The following CDCA7 variants were observed in gnomAD, a reference collection of about 807,000 sequenced individuals.
CDCA7 encodes the protein cell division cycle-associated protein 7.
In CDCA7, 28 loss-of-function variants were observed where a neutral mutation model predicts 54.0. The observed-to-expected ratio is 0.52, with a 90% CI of 0.38 to 0.71. The LOEUF (loss-of-function observed/expected upper bound fraction) is 0.71. Ranked by LOEUF, CDCA7 falls within the 30% of genes least tolerant of loss-of-function variation. The pLI is 0.00. For missense variants in CDCA7, 484 were observed against 586.0 expected (o/e 0.83, Z 1.80); for synonymous variants, 180 against 208.2 (o/e 0.86, Z 1.16).
chr2:173,357,831 G>A (rs1054882295), intron 1 of CDCA7, among the ~76,000 whole-genome samples: 16 of 152,270 alleles, frequency 1.1e-4, no homozygotes, highest in African/African-American at 3.1e-4. Context: ...TGGGTTGAGA[G>A]GTAGCTCTAC....
chr2:173,365,687 C>A, intron 7 of CDCA7, 95 bp downstream of exon 7: 2 of 1,358,020 alleles, frequency 1.5e-6, no homozygotes, highest in Non-Finnish European at 2.0e-6. Context: ...AAGGGCCTAG[C>A]ATGTGAAATC....
rs746889902 is a variant in CDCA7 at position 173,354,917 on chromosome 2, C to T, written c.-47C>T. 37 of 1,475,240 alleles carry T rather than the reference C, an allele frequency of 2.5e-5. No homozygotes were observed. The African/African-American group carries it at 4.6e-4, about 18-fold the overall frequency. 91.4% of individuals were successfully genotyped at this position (1,475,240 alleles called of 1,614,324 possible). A position where few individuals can be genotyped will look rare whatever the true frequency, so the allele number is the denominator to read the frequency against. ...TGTGGGACCGCTGACCGCGCGGCTG[C>T]TCCGCTCTCCCCGCTCCAAGCGCCG... is the stretch of plus-strand genomic sequence containing the variant. On this transcript the variant is annotated 5_prime_UTR_variant, in exon 1 of 10. Coordinates refer to ENST00000306721, the MANE Select transcript of CDCA7 (RefSeq NM_031942.5).
intron 1 of CDCA7, among the ~76,000 whole-genome samples, chr2:173,355,978 G>A (rs1686497297): frequency 6.6e-6 from 1 of 152,132 alleles, no homozygotes; most frequent in African/African-American, 2.4e-5. Flanking sequence ...ACATGCCTGA[G>A]TTCAAATCTG....
chr2:173,365,575 A>T lies in CDCA7; in HGVS notation c.1018A>T (p.Ile340Leu). 2 of 1,614,096 alleles carry T rather than the reference A, an allele frequency of 1.2e-6. No homozygotes were observed. The highest frequency in any genetic ancestry group is 1.7e-6 in the Non-Finnish European group (2 of 1,180,020). The change falls in exon 7 of 10, where the codon ATA (isoleucine) becomes TTA (leucine). Residue 340 changes from isoleucine to leucine, a missense_variant. Physicochemically the swap from Ile to Leu is conservative, Grantham distance 5 (BLOSUM62 2). This residue lies in a region of CDCA7 where 398 missense variants were observed against 447.4 expected (regional missense o/e 0.89). Coordinates refer to ENST00000306721, the MANE Select transcript of CDCA7 (RefSeq NM_031942.5). ...ENVCSNSREK[I>L]YNRSLGSTCH... ...CGTCTGCAGCAATTCTCGAGAGAAG[A>T]TATATAACCGTTCACTGGTGAGAGC...
Position 173,358,750 on chromosome 2 carries a change from C to A in CDCA7, c.60C>A (p.Phe20Leu). The change falls in exon 2 of 10, where the codon TTC (phenylalanine) becomes TTA (leucine). Residue 20 changes from phenylalanine to leucine, a missense_variant. Phe to Leu is a conservative substitution (Grantham distance 22). Around this residue, in one of 3 missense-constraint regions of CDCA7, gnomAD observed 398 missense variants for 447.4 expected, o/e 0.89. Coordinates refer to ENST00000306721, the MANE Select transcript of CDCA7 (RefSeq NM_031942.5). The stretch of plus-strand genomic sequence containing the variant: ...GAGTAAAGAAGAACTTAAAGAAATT[C>A]AGATATGTGAAGTTGATTTCCATGG... ...DLRVKKNLKK[F>L]RYVKLISMET... The A allele has an allele frequency of 6.2e-7, 1 of 1,613,808 alleles. No individual in the cohort carries two copies. The highest frequency in any genetic ancestry group is 1.1e-5 in the South Asian group (1 of 91,022).
chr2:173,360,067 T>C (rs148997615), intron 3 of CDCA7, among the ~76,000 whole-genome samples: 1 of 152,336 alleles, frequency 6.6e-6, no homozygotes, highest in East Asian at 1.9e-4. Context: ...CTGAGCATAC[T>C]GCTTAATTCT....
intron 4 of CDCA7, 74 bp downstream of exon 4, chr2:173,363,536 G>A (rs543303826): frequency 1.2e-3 from 1,623 of 1,394,950 alleles, no homozygotes; most frequent in Non-Finnish European, 1.1e-3. Flanking sequence ...GTTCCATCAC[G>A]CAAAAGTTAT....
At position 173,354,950 on chromosome 2, in the gene CDCA7, C is replaced by G; in HGVS notation, c.-14C>G. On this transcript the variant is annotated 5_prime_UTR_variant, in exon 1 of 10. Transcript: ENST00000306721. ...TCCCCGCTCCAAGCGCCGATCTGGGCACCCGCCACCAGCATGGACGCTCGC... is the reference window on the plus strand; with the variant it reads ...TCCCCGCTCCAAGCGCCGATCTGGGGACCCGCCACCAGCATGGACGCTCGC... 1 of 1,469,552 alleles carries G rather than the reference C, an allele frequency of 6.8e-7. No homozygotes were observed. Among genetic ancestry groups the G allele is most frequent in the Non-Finnish European group, 8.9e-7 (1 of 1,118,164 alleles). 91.0% of individuals were successfully genotyped at this position (1,469,552 alleles called of 1,614,324 possible).
In CDCA7 at chr2:173,359,291, G is replaced by C. The variant is rs753722248; in HGVS notation, c.184G>C (p.Ala62Pro). Residue 62 changes from alanine (A) to proline (P), a missense_variant, in exon 3 of 10, where the codon GCA becomes CCA. Ala to Pro is a conservative substitution (Grantham distance 27). Around this residue, in one of 3 missense-constraint regions of CDCA7, gnomAD observed 398 missense variants for 447.4 expected, o/e 0.89. Coordinates refer to ENST00000306721, the MANE Select transcript of CDCA7 (RefSeq NM_031942.5). ...KFRSDISEELANVFYEDSDNE... is the reference protein window; with the variant it reads ...KFRSDISEELPNVFYEDSDNE... ...CAGGTCAGATATCAGTGAAGAACTG[G>C]CAAATGTTTTTTATGAGGACTCTGA... 6.2e-7 allele frequency: 1 copy of C among 1,614,110 alleles called. No individual in the cohort carries two copies. Among genetic ancestry groups the C allele is most frequent in the South Asian group, 1.1e-5 (1 of 91,084 alleles).
rs1686733194 is a variant in CDCA7, at chr2:173,366,885, G to T, written c.1186-265G>T. On this transcript the variant is annotated intron_variant, in intron 8 of 9. Transcript: ENST00000306721. This position sits in a 1 kb window ranked among gnomAD's most constrained non-coding sequence, Gnocchi z 4.5. ...TTCAGAACACAAATGAATTCAGAGG[G>T]ATGGTGCTGCATAGGCATGAGCCGC... 6.6e-6 allele frequency among the ~76,000 whole-genome samples: 1 copy of T among 152,118 alleles called. No individual in the cohort carries two copies. The highest frequency in any genetic ancestry group is 6.5e-5 in the Admixed American group (1 of 15,270).
chr2:173,362,626 CA>C (rs1686643208), intron 3 of CDCA7, among the ~76,000 whole-genome samples: 1 of 149,160 alleles, frequency 6.7e-6, no homozygotes, highest in Admixed American at 6.7e-5. Flanking sequence ...CCAGCCCTGG[CA>C]TACAGTGGCA....
At chr2:173,362,162 A>G (rs1686634042) in intron 3 of CDCA7, among the ~76,000 whole-genome samples, 1 of 152,240 alleles carries the variant, frequency 6.6e-6, no homozygotes, top group Non-Finnish European at 1.5e-5. Context: ...TAATTTGGAT[A>G]AATTTTTAAT....
At chr2:173,360,502 A>C (rs1686599347) in intron 3 of CDCA7, among the ~76,000 whole-genome samples, 1 of 152,196 alleles carries the variant, frequency 6.6e-6, no homozygotes, top group Non-Finnish European at 1.5e-5. Flanking sequence ...CTTTTGAGAC[A>C]GGGTCTTGCA....
rs780722425 is a variant in CDCA7, at chr2:173,363,262, A to G, written c.421A>G (p.Ser141Gly). ...AGTTCGGGAAGGCTGTAGGACCCGC[A>G]GCCAGTGCAGGCACTCTGGACCTCT... is the stretch of plus-strand genomic sequence containing the variant. ...QSVREGCRTR[S>G]QCRHSGPLRV... The change falls in exon 4 of 10, where the codon AGC (serine) becomes GGC (glycine). Residue 141 changes from serine (S) to glycine (G), a missense_variant. By Grantham distance (56) the Ser-to-Gly change is moderately conservative. Around this residue, in one of 3 missense-constraint regions of CDCA7, gnomAD observed 398 missense variants for 447.4 expected, o/e 0.89. Transcript: ENST00000306721. 4.3e-6 allele frequency: 7 copies of G among 1,614,064 alleles called. No individual in the cohort carries two copies. In the African/African-American group the frequency reaches 9.3e-5, roughly 22 times the overall value.
rs1433872820 is a variant in CDCA7 at position 173,367,976 on chromosome 2, A to G, written c.*312A>G. On this transcript the variant is annotated 3_prime_UTR_variant, in exon 10 of 10. Transcript: ENST00000306721. ...TTAAATTACAGTTTTATGAAAGCAT[A>G]TTTTATTTACTTGGTGTTGAAATAG... The G allele has an allele frequency of 4.8e-6, 2 of 412,516 alleles. No homozygotes were observed. Among genetic ancestry groups the G allele is most frequent in the East Asian group, 4.3e-5 (1 of 23,258 alleles). The allele number at this position is 412,516 out of a possible 1,614,324, so 25.6% of individuals were successfully genotyped here.
At chr2:173,367,327 T>C (rs777587319) in intron 9 of CDCA7, 41 bp downstream of exon 9, 1 of 1,612,136 alleles carries the variant, frequency 6.2e-7, no homozygotes, top group South Asian at 1.1e-5. Context: ...CTGAATTTTA[T>C]ATTCATTTAT....
chr2:173,367,324 T>G, intron 9 of CDCA7, 38 bp downstream of exon 9: 1 of 1,612,516 alleles, frequency 6.2e-7, no homozygotes, highest in Non-Finnish European at 8.5e-7. Context: ...CATCTGAATT[T>G]TATATTCATT....
chr2:173,354,911 C>G lies in CDCA7; in HGVS notation c.-53C>G. The G allele has an allele frequency of 6.8e-7, 1 of 1,477,722 alleles. No individual in the cohort carries two copies. Among genetic ancestry groups the G allele is most frequent in the South Asian group, 1.3e-5 (1 of 78,152 alleles). 91.5% of individuals were successfully genotyped at this position (1,477,722 alleles called of 1,614,324 possible). ...TCCTGCTGTGGGACCGCTGACCGCGCGGCTGCTCCGCTCTCCCCGCTCCAA... is the reference window on the plus strand; with the variant it reads ...TCCTGCTGTGGGACCGCTGACCGCGGGGCTGCTCCGCTCTCCCCGCTCCAA... On this transcript the variant is annotated 5_prime_UTR_variant, in exon 1 of 10. Transcript: ENST00000306721.
intron 6 of CDCA7, 24 bp downstream of exon 6, chr2:173,365,013 G>A (rs755565561): frequency 1.3e-6 from 2 of 1,542,332 alleles, no homozygotes; most frequent in Non-Finnish European, 1.7e-6. Context: ...ATTGGTACTT[G>A]CTCTTCTGAT....
Sources: allele counts gnomAD v4.1 joint callset (sites outside exome capture counted in the v4.1 genomes callset), GRCh38; gene constraint gnomAD v4.1.1; regional missense constraint gnomAD v4.1.1; non-coding constraint Gnocchi (gnomAD v3.1); transcripts MANE v1.5; gene names NCBI Gene and HGNC (gene_info 2026-07-23, HGNC 2026-07-21).